Variants in ZFPM2 observed in about 807,000 individuals in gnomAD.
ZFPM2 encodes zinc finger protein, FOG family member 2, also known as zinc finger protein ZFPM2.
ZFPM2 carries 20 observed loss-of-function variants against 98.6 expected under a neutral mutation model. The observed-to-expected ratio is 0.20, with a 90% CI of 0.14 to 0.29. The LOEUF is 0.29. Among genes scored for constraint, ZFPM2 ranks in the 10% least tolerant of loss-of-function variants. The probability of loss-of-function intolerance (pLI) is 1.00; values close to 1 mark genes in which losing one functional copy is unlikely to be tolerated. For missense variants in ZFPM2, 1,310 were observed against 1,388.6 expected, an observed-to-expected ratio of 0.94 and a Z score of 0.90; for synonymous variants, 518 against 502.7, an observed-to-expected ratio of 1.03 and a Z score of -0.41.
intron 1 of ZFPM2, among the ~76,000 whole-genome samples, chr8:105,330,613 CAT>C (rs56037877): frequency 0.083 from 7,507 of 90,532 alleles, 781 homozygotes; most frequent in African/African-American, 0.22. Context: ...TATATATACA[CAT>C]ATATATATAT....
chr8:105,802,267 A>C lies in ZFPM2; in HGVS notation c.2185A>C (p.Met729Leu), dbSNP rs560061432. The C allele has an allele frequency of 1.7e-5, 27 of 1,613,726 alleles. No individual in the cohort carries two copies. Among genetic ancestry groups the C allele is most frequent in the Non-Finnish European group, 2.1e-5 (25 of 1,179,832 alleles). Residue 729 changes from methionine to leucine, a missense_variant, in exon 8 of 8, where the codon ATG becomes CTG. By Grantham distance (15) the Met-to-Leu change is conservative. Transcript: ENST00000407775. ...KRSASNKVPA[M>L]QRTMRTRKRR... Reference sequence around the variant, plus strand: ...GTCTGCTTCCAACAAAGTGCCTGCCATGCAGAGAACCATGCGCACACGCAA... The same window carrying C: ...GTCTGCTTCCAACAAAGTGCCTGCCCTGCAGAGAACCATGCGCACACGCAA...
At position 105,803,435 on chromosome 8, in the gene ZFPM2, G is replaced by A. The variant is rs751862742; in HGVS notation, c.3353G>A (p.Gly1118Glu). ...GGTTCCAGCCAGGCTCCAACCAGTG[G>A]GAAATATTGCCGGCTATGTGATATC... ...VNGSSQAPTS[G>E]KYCRLCDIQF... is the part of the protein sequence containing the mutation. Residue 1118 changes from glycine (G) to glutamate (E), a missense_variant, in exon 8 of 8, where the codon GGG becomes GAG. Coordinates refer to ENST00000407775, the MANE Select transcript of ZFPM2 (RefSeq NM_012082.4). 7 of 1,613,622 alleles carry A rather than the reference G, an allele frequency of 4.3e-6. No homozygotes were observed. The highest frequency in any genetic ancestry group is 5.1e-6 in the Non-Finnish European group (6 of 1,179,810).
chr8:105,441,460 A>AAGAG lies in ZFPM2; in HGVS notation c.200-2817_200-2816insGAGA, dbSNP rs1563659943. ...AGAGAGAGAGAGAGAGAGAGAAAGA[A>AAGAG]AGAAAGAAAGAAAGAAAGAAAGAAA... On this transcript the variant is annotated intron_variant, in intron 2 of 7. Coordinates refer to ENST00000407775, the MANE Select transcript of ZFPM2 (RefSeq NM_012082.4). 6.8e-5 allele frequency among the ~76,000 whole-genome samples: 5 copies of AAGAG among 73,506 alleles called. No homozygotes were observed. The East Asian group carries it at 1.8e-3, about 26-fold the overall frequency. The allele number at this position is 73,506 out of a possible 152,430, so 48.2% of individuals were successfully genotyped here. A position where few individuals can be genotyped will look rare whatever the true frequency, so the allele number is the denominator to read the frequency against.
At chr8:105,380,705 A>ATATATATGTTATATATAACATATATAT (rs1563630983) in intron 1 of ZFPM2, among the ~76,000 whole-genome samples, 2 of 16,000 alleles carry the variant, frequency 1.3e-4, no homozygotes, top group Non-Finnish European at 2.0e-4. Context: ...AACATATATA[A>ATATATATGTTATATATAACATATATAT]TATATATATA....
At chr8:105,489,452 A>T (rs1813310530) in intron 3 of ZFPM2, among the ~76,000 whole-genome samples, 1 of 73,332 alleles carries the variant, frequency 1.4e-5, no homozygotes, top group Admixed American at 1.8e-4. Flanking sequence ...ATGTTTTTAT[A>T]TATATATATA....
chr8:105,616,893 C>T (rs1240030534), intron 4 of ZFPM2, among the ~76,000 whole-genome samples: 1 of 151,438 alleles, frequency 6.6e-6, no homozygotes, highest in African/African-American at 2.4e-5. Flanking sequence ...TGGTGCACAT[C>T]TGTAATCCCT....
chr8:105,478,772 C>T (rs1713467819), intron 3 of ZFPM2, among the ~76,000 whole-genome samples: 1 of 152,206 alleles, frequency 6.6e-6, no homozygotes, highest in Non-Finnish European at 1.5e-5. Flanking sequence ...CTGCTGACCA[C>T]CAGCTTGGGC....
chr8:105,789,400 C>A (rs7836395), intron 6 of ZFPM2, among the ~76,000 whole-genome samples: 13,962 of 152,170 alleles, frequency 0.092, 2,124 homozygotes, highest in African/African-American at 0.31. Flanking sequence ...CATGTCCCTA[C>A]AAAGGACATG....
chr8:105,606,731 T>C (rs776664270), intron 4 of ZFPM2, among the ~76,000 whole-genome samples: 2 of 152,048 alleles, frequency 1.3e-5, no homozygotes, highest in African/African-American at 2.4e-5. Context: ...GACCGTGATA[T>C]TGCCAAATAA....
chr8:105,634,089 C>T (rs917113502), intron 4 of ZFPM2, among the ~76,000 whole-genome samples, 157 bp from the exon 5 acceptor site: 1 of 151,882 alleles, frequency 6.6e-6, no homozygotes, highest in African/African-American at 2.4e-5. Flanking sequence ...CAGCTTCTGT[C>T]GTCTTAAAAA....
chr8:105,665,336 C>T (rs1054627134), intron 5 of ZFPM2, among the ~76,000 whole-genome samples: 1 of 152,130 alleles, frequency 6.6e-6, no homozygotes, highest in Non-Finnish European at 1.5e-5. Flanking sequence ...GGGACATACT[C>T]AAACTGTAGC....
chr8:105,381,882 G>A (rs565847146), intron 1 of ZFPM2, among the ~76,000 whole-genome samples: 1 of 152,096 alleles, frequency 6.6e-6, no homozygotes, highest in African/African-American at 2.4e-5. Context: ...AGACTACACT[G>A]TCAACATGAT....
At position 105,709,984 on chromosome 8, in the gene ZFPM2, T is replaced by C. The variant is rs75729404; in HGVS notation, c.532+75627T>C. ...AACTGGGGACATTATTTTTTTTAAG[T>C]CTGCTTAATTCTTGGTAAGTCACAT... On this transcript the variant is annotated intron_variant, in intron 5 of 7. Coordinates refer to ENST00000407775, the MANE Select transcript of ZFPM2 (RefSeq NM_012082.4). 4.6e-5 allele frequency among the ~76,000 whole-genome samples: 7 copies of C among 152,258 alleles called. 1 individual carries two copies. The East Asian group carries it at 1.4e-3, about 29-fold the overall frequency.
intron 5 of ZFPM2, among the ~76,000 whole-genome samples, chr8:105,730,307 A>G (rs1811900195): frequency 6.6e-6 from 1 of 151,768 alleles, no homozygotes; most frequent in South Asian, 2.1e-4. Context: ...CCAGCCAATC[A>G]AAGACAGAAA....
chr8:105,653,852 A>ATTTTTTTTTTTTTTTTTTTTTT (rs1563506586), intron 5 of ZFPM2, among the ~76,000 whole-genome samples: 1 of 56,226 alleles, frequency 1.8e-5, no homozygotes, highest in Admixed American at 2.5e-4. Flanking sequence ...CTTGTGTGCT[A>ATTTTTTTTTTTTTTTTTTTTTT]TCTTTTTTTT....
At chr8:105,327,798 G>A (rs192576071) in intron 1 of ZFPM2, among the ~76,000 whole-genome samples, 1 of 151,722 alleles carries the variant, frequency 6.6e-6, no homozygotes, top group Admixed American at 6.6e-5. Context: ...AGCATATTTG[G>A]TATTCAAGAA....
At position 105,539,191 on chromosome 8, in the gene ZFPM2, C is replaced by G. The variant is rs140212206; in HGVS notation, c.302-22172C>G. On this transcript the variant is annotated intron_variant, in intron 3 of 7. Coordinates refer to ENST00000407775, the MANE Select transcript of ZFPM2 (RefSeq NM_012082.4). ...CTGAACAGCTCAATAATATTATGAG[C>G]TCACCATCAACATGTATGGCTTACA... Among the ~76,000 whole-genome samples, 1,085 of 152,228 alleles carry G rather than the reference C, an allele frequency of 7.1e-3. 8 individuals carry two copies. Among genetic ancestry groups the G allele is most frequent in the Non-Finnish European group, 0.013 (870 of 68,002 alleles).
chr8:105,528,116 G>C (rs1478192699), intron 3 of ZFPM2, among the ~76,000 whole-genome samples: 2 of 152,148 alleles, frequency 1.3e-5, no homozygotes, highest in Non-Finnish European at 2.9e-5. Flanking sequence ...TGGATGCAGA[G>C]GGCTGCAGGA....
intron 3 of ZFPM2, among the ~76,000 whole-genome samples, chr8:105,529,398 C>CA (rs1450269689): frequency 6.6e-6 from 1 of 151,976 alleles, no homozygotes; most frequent in Non-Finnish European, 1.5e-5. Context: ...AATTTGCCAT[C>CA]AAATATTACT....
Sources: allele counts gnomAD v4.1 joint callset (sites outside exome capture counted in the v4.1 genomes callset), GRCh38; gene constraint gnomAD v4.1.1; transcripts MANE v1.5; gene names NCBI Gene and HGNC (gene_info 2026-07-23, HGNC 2026-07-21).